Variants in ZNF722 observed in about 807,000 individuals in gnomAD.
ZNF722 encodes the protein zinc finger protein 722, also known as zinc finger protein 479 pseudogene.
the ZNF722 span, among the ~76,000 whole-genome samples, chr7:64,004,425 A>AAAAAATATATATATATATAT: frequency 1.6e-5 from 1 of 61,110 alleles, no homozygotes; most frequent in African/African-American, 8.0e-5. Context: ...AAAAAAAAAA[A>AAAAAATATATATATATATAT]ATATATATAT....
chr7:64,016,694 G>A, the ZNF722 span, among the ~76,000 whole-genome samples: 1 of 152,040 alleles, frequency 6.6e-6, no homozygotes, highest in Non-Finnish European at 1.5e-5. Flanking sequence ...TGAAACTGTA[G>A]AAAAAAATGT....
chr7:64,015,776 C>G, the ZNF722 span: 2 of 1,612,668 alleles, frequency 1.2e-6, no homozygotes, highest in African/African-American at 2.7e-5. Context: ...TTAACTGCTC[C>G]TCAACCCTTA....
At chr7:64,008,380 T>A in the ZNF722 span, among the ~76,000 whole-genome samples, 49 of 152,346 alleles carry the variant, frequency 3.2e-4, no homozygotes, top group African/African-American at 1.2e-3. Flanking sequence ...GTTTTAGATC[T>A]AACATTTGAG....
At chr7:64,003,577 A>G in the ZNF722 span, among the ~76,000 whole-genome samples, 4 of 152,078 alleles carry the variant, frequency 2.6e-5, no homozygotes, top group Admixed American at 6.6e-5. Flanking sequence ...GGAACTTGCA[A>G]ATTTTTACTT....
chr7:64,005,529 T>G, the ZNF722 span: 1 of 660,806 alleles, frequency 1.5e-6, no homozygotes, highest in East Asian at 2.7e-5. Context: ...TTTTTTAACT[T>G]GAGTCAAATA....
At chr7:64,009,231 T>C in the ZNF722 span, among the ~76,000 whole-genome samples, 27 of 152,300 alleles carry the variant, frequency 1.8e-4, no homozygotes, top group African/African-American at 6.0e-4. Flanking sequence ...TTGAATACCC[T>C]TTATTTATTT....
the ZNF722 span, among the ~76,000 whole-genome samples, chr7:64,001,418 A>G: frequency 2.6e-5 from 4 of 152,326 alleles, no homozygotes; most frequent in Non-Finnish European, 5.9e-5. Context: ...TGCAAAGGAC[A>G]TGATGTTGTT....
chr7:64,011,352 T>C, the ZNF722 span, among the ~76,000 whole-genome samples: 1 of 152,238 alleles, frequency 6.6e-6, no homozygotes, highest in African/African-American at 2.4e-5. Context: ...ATCGATGATC[T>C]TTATAATTTG....
the ZNF722 span, among the ~76,000 whole-genome samples, chr7:64,016,755 C>T: frequency 6.6e-6 from 1 of 152,088 alleles, no homozygotes; most frequent in South Asian, 2.1e-4. Context: ...AAATTTTATA[C>T]TGGAGAGAAA....
chr7:64,001,279 G>A, the ZNF722 span, among the ~76,000 whole-genome samples: 1 of 152,098 alleles, frequency 6.6e-6, no homozygotes, highest in African/African-American at 2.4e-5. Context: ...TCTGTCTGTT[G>A]TTCTCTTATC....
the ZNF722 span, among the ~76,000 whole-genome samples, chr7:64,003,137 G>A: frequency 1.8e-3 from 279 of 152,272 alleles, no homozygotes; most frequent in Middle Eastern, 0.017. Flanking sequence ...ATCAAAGGAA[G>A]GCTGCACTGC....
At chr7:64,015,207 T>C in the ZNF722 span, 2 of 1,277,210 alleles carry the variant, frequency 1.6e-6, no homozygotes, top group Non-Finnish European at 2.3e-6. Context: ...AGTTAAGCAA[T>C]GTTTGTCAAA....
the ZNF722 span, chr7:64,015,867 CT>C: frequency 6.3e-7 from 1 of 1,582,178 alleles, no homozygotes; most frequent in Non-Finnish European, 8.7e-7. Context: ...GCATTCAAGT[CT>C]TGCTAAACAT....
At chr7:64,000,119 C>CTTTTT in the ZNF722 span, among the ~76,000 whole-genome samples, 409 of 142,690 alleles carry the variant, frequency 2.9e-3, 2 homozygotes, top group Non-Finnish European at 4.9e-3. Context: ...TTTTCCCTTA[C>CTTTTT]TTTTTTTTTT....
At chr7:64,009,153 A>G in the ZNF722 span, among the ~76,000 whole-genome samples, 107,872 of 152,090 alleles carry the variant, frequency 0.71, 38,832 homozygotes, top group Non-Finnish European at 0.77. Context: ...GACTGAGACA[A>G]TGGGGTTTTG....
chr7:64,006,171 G>T, the ZNF722 span: 3 of 972,256 alleles, frequency 3.1e-6, no homozygotes, highest in Middle Eastern at 2.4e-4. Flanking sequence ...TACTAGTTTG[G>T]TAATTAAAGA....
At chr7:64,002,631 C>T in the ZNF722 span, among the ~76,000 whole-genome samples, 1 of 152,210 alleles carries the variant, frequency 6.6e-6, no homozygotes, top group East Asian at 1.9e-4. Flanking sequence ...AATTATTCAA[C>T]ACTTAGTAGC....
At chr7:64,006,277 G>A in the ZNF722 span, 1 of 1,316,092 alleles carries the variant, frequency 7.6e-7, no homozygotes, top group East Asian at 2.5e-5. Context: ...AAATAAAGAG[G>A]CTTGGAATAT....
chr7:64,007,234 A>G, the ZNF722 span, among the ~76,000 whole-genome samples: 17,823 of 103,674 alleles, frequency 0.17, 1,301 homozygotes, highest in Admixed American at 0.23. Flanking sequence ...GTGTGTGTAT[A>G]TATATATATA....
Sources: gnomAD v4.1 joint callset for allele counts (sites outside exome capture counted in the v4.1 genomes callset) on GRCh38, gnomAD v4.1.1 for gene constraint, MANE v1.5 for transcripts, NCBI Gene and HGNC (gene_info 2026-07-23, HGNC 2026-07-21) for gene names.